Variants in PIKFYVE observed in about 807,000 individuals in gnomAD.
The protein encoded by PIKFYVE is phosphoinositide kinase, FYVE-type zinc finger containing.
In PIKFYVE, 122 loss-of-function variants were observed where a neutral mutation model predicts 257.9. The ratio of observed to expected loss-of-function variants is 0.47; its 90% CI spans 0.41 to 0.55. The LOEUF (loss-of-function observed/expected upper bound fraction) is 0.55, where lower values mean the gene tolerates loss of function less well. PIKFYVE is among the 20% of genes least tolerant of loss of function. The pLI is 0.00. For synonymous variants in PIKFYVE, 892 were observed against 868.9 expected (o/e 1.03, Z -0.47); for missense variants, 2,160 against 2,536.6 (o/e 0.85, Z 3.19).
chr2:208,358,298 G>A lies in PIKFYVE; in HGVS notation c.*2993G>A, dbSNP rs1325177128. On this transcript the variant is annotated 3_prime_UTR_variant, in exon 42 of 42. Coordinates refer to ENST00000264380, the MANE Select transcript of PIKFYVE (RefSeq NM_015040.4). ...TTGAAGAGTGAAAACTGTTGTGAATGAGCCTGATCATAAAACGGACCAGGC... is the reference window on the plus strand; with the variant it reads ...TTGAAGAGTGAAAACTGTTGTGAATAAGCCTGATCATAAAACGGACCAGGC... The A allele has an allele frequency of 1.3e-5, 2 of 152,538 alleles. No individual in the cohort carries two copies. Among genetic ancestry groups the A allele is most frequent in the Non-Finnish European group, 1.5e-5 (1 of 68,032 alleles). 9.4% of individuals were successfully genotyped at this position (152,538 alleles called of 1,614,324 possible).
At chr2:208,328,047 G>T in intron 20 of PIKFYVE, 133 bp from the exon 21 acceptor site, 1 of 1,520,874 alleles carries the variant, frequency 6.6e-7, no homozygotes, top group Non-Finnish European at 8.9e-7. Flanking sequence ...TTAGTTTTCT[G>T]TAGTTTTAAA....
intron 31 of PIKFYVE, among the ~76,000 whole-genome samples, chr2:208,342,050 A>G (rs1289716567): frequency 6.6e-6 from 1 of 152,114 alleles, no homozygotes; most frequent in Non-Finnish European, 1.5e-5. Flanking sequence ...TTTGGTGTTC[A>G]GTAAGTAGCA....
chr2:208,350,181 C>G, intron 36 of PIKFYVE, 98 bp downstream of exon 36: 1 of 1,513,486 alleles, frequency 6.6e-7, no homozygotes, highest in South Asian at 1.4e-5. Flanking sequence ...AATAAATGTC[C>G]CAGTTCTTGA....
chr2:208,353,703 G>A (rs1699974302), intron 39 of PIKFYVE, among the ~76,000 whole-genome samples, 195 bp from the exon 40 acceptor site: 1 of 152,016 alleles, frequency 6.6e-6, no homozygotes, highest in African/African-American at 2.4e-5. Context: ...ATGTTACTGT[G>A]TATTTTATGT....
intron 32 of PIKFYVE, among the ~76,000 whole-genome samples, chr2:208,344,714 T>C (rs199779935): frequency 2.6e-4 from 5 of 18,988 alleles, no homozygotes; most frequent in South Asian, 1.7e-3. Context: ...ACATTAAACA[T>C]TTTTTTCCCC....
intron 36 of PIKFYVE, 23 bp downstream of exon 36, chr2:208,350,106 T>G: frequency 2.5e-6 from 4 of 1,611,934 alleles, no homozygotes; most frequent in Non-Finnish European, 3.4e-6. Flanking sequence ...TATTATATCA[T>G]TGGTTTGGGG....
intron 23 of PIKFYVE, among the ~76,000 whole-genome samples, chr2:208,331,525 C>T (rs1038559826): frequency 7.2e-5 from 11 of 152,080 alleles, no homozygotes; most frequent in Non-Finnish European, 1.5e-4. Flanking sequence ...TACAGGCATG[C>T]GCCACTATGC....
chr2:208,337,521 C>CTA (rs1436893372), intron 28 of PIKFYVE, among the ~76,000 whole-genome samples: 1 of 150,146 alleles, frequency 6.7e-6, no homozygotes, highest in Non-Finnish European at 1.5e-5. Context: ...TTGTATAGAT[C>CTA]TATATCTATC....
In PIKFYVE at chr2:208,315,508, T is replaced by C. The variant is rs999557999; in HGVS notation, c.2007+135T>C. On this transcript the variant is annotated intron_variant, in intron 15 of 41. Transcript: ENST00000264380. ...GTGAGGAGTAGGAGGTTTTGCTGTC[T>C]GCTTTGTTAGCAGCGCACTTAGGAG... The C allele has an allele frequency of 1.6e-5, 14 of 873,446 alleles. No individual in the cohort carries two copies. In the South Asian group the frequency reaches 1.9e-4, roughly 12 times the overall value. The allele number at this position is 873,446 out of a possible 1,614,324, so 54.1% of individuals were successfully genotyped here.
At chr2:208,275,686 G>A (rs1003663326) in intron 3 of PIKFYVE, among the ~76,000 whole-genome samples, 1 of 152,122 alleles carries the variant, frequency 6.6e-6, no homozygotes, top group Non-Finnish European at 1.5e-5. Flanking sequence ...TCATTTCTTT[G>A]TAATTCTTTT....
intron 25 of PIKFYVE, 106 bp downstream of exon 25, chr2:208,335,525 AT>A: frequency 1.1e-6 from 1 of 945,116 alleles, no homozygotes. Context: ...TTCTAATTGT[AT>A]GCTATGCATG....
intron 7 of PIKFYVE, among the ~76,000 whole-genome samples, chr2:208,293,710 C>T (rs556093906): frequency 1.4e-5 from 2 of 146,588 alleles, no homozygotes; most frequent in South Asian, 4.3e-4. Flanking sequence ...GAGATGGGGT[C>T]TTGCTGTGTT....
Position 208,328,247 on chromosome 2 carries a change from C to G in PIKFYVE, c.3686C>G (p.Ser1229Cys), listed in dbSNP as rs1421027009. 6.2e-7 allele frequency: 1 copy of G among 1,613,806 alleles called. No individual in the cohort carries two copies. The highest frequency in any genetic ancestry group is 8.5e-7 in the Non-Finnish European group (1 of 1,179,896). The change falls in exon 21 of 42, where the codon TCC becomes TGC. Residue 1229 changes from serine to cysteine, a missense_variant. Physicochemically the swap from Ser to Cys is moderately radical, Grantham distance 112. Coordinates refer to ENST00000264380, the MANE Select transcript of PIKFYVE (RefSeq NM_015040.4). ...CTCTTCAGCAGCTCTTCTGCCCAGT[C>G]CAGCAATGCTCCTAGTGCCTGTGTC... The part of the protein sequence containing the change: ...CVLFSSSSAQ[S>C]SNAPSACVSP...
chr2:208,336,019 T>G, intron 26 of PIKFYVE, 27 bp from the exon 27 acceptor site: 3 of 1,613,886 alleles, frequency 1.9e-6, no homozygotes, highest in Non-Finnish European at 2.5e-6. Flanking sequence ...AGTGTCTGTC[T>G]CCTGAAGTTG....
At position 208,343,923 on chromosome 2, in the gene PIKFYVE, C is replaced by T. The variant is rs557231222; in HGVS notation, c.5028-1188C>T. Among the ~76,000 whole-genome samples, 4 of 150,160 alleles carry T rather than the reference C, an allele frequency of 2.7e-5. No homozygotes were observed. The East Asian group carries it at 5.9e-4, about 22-fold the overall frequency. ...CTCGGCTCACTGCAAGCTCCGCCTC[C>T]GGGTTTCACGCCGTTCTCCTGCCTC... On this transcript the variant is annotated intron_variant, in intron 32 of 41. Coordinates refer to ENST00000264380, the MANE Select transcript of PIKFYVE (RefSeq NM_015040.4).
chr2:208,287,886 G>T (rs1691790365), intron 6 of PIKFYVE, among the ~76,000 whole-genome samples: 1 of 152,140 alleles, frequency 6.6e-6, no homozygotes, highest in African/African-American at 2.4e-5. Context: ...GAGCCACCAT[G>T]CCCAGCCTTT....
At chr2:208,324,718 T>C (rs7355562) in intron 18 of PIKFYVE, among the ~76,000 whole-genome samples, 193 bp from the exon 19 acceptor site, 119,136 of 152,076 alleles carry the variant, frequency 0.78, 47,609 homozygotes, top group East Asian at 0.93. Flanking sequence ...ATGAGTAAGG[T>C]TTCAGTGGGC....
intron 11 of PIKFYVE, 125 bp downstream of exon 11, chr2:208,304,443 T>C: frequency 1.6e-6 from 2 of 1,264,180 alleles, no homozygotes; most frequent in Non-Finnish European, 2.2e-6. Flanking sequence ...AATGGAAACA[T>C]CTGATAGCAG....
intron 8 of PIKFYVE, among the ~76,000 whole-genome samples, chr2:208,299,299 A>T (rs897108163): frequency 6.8e-6 from 1 of 147,698 alleles, no homozygotes; most frequent in Non-Finnish European, 1.5e-5. Flanking sequence ...TATTATTATT[A>T]TTTTTTTTGG....
Sources: gnomAD v4.1 joint callset for allele counts (sites outside exome capture counted in the v4.1 genomes callset) on GRCh38, gnomAD v4.1.1 for gene constraint, MANE v1.5 for transcripts, NCBI Gene and HGNC (gene_info 2026-07-23, HGNC 2026-07-21) for gene names.